Variants in BTRC observed in about 807,000 individuals in gnomAD.
BTRC encodes beta-transducin repeat containing E3 ubiquitin protein ligase, also known as F-box/WD repeat-containing protein 1A.
A neutral mutation model predicts 85.5 loss-of-function variants in BTRC; 42 were observed. The observed-to-expected ratio is 0.49, with a 90% confidence interval of 0.38 to 0.64. The LOEUF is 0.64. BTRC is among the 30% of genes least tolerant of loss of function. The probability of loss-of-function intolerance (pLI) is 0.00; values close to 1 mark genes in which losing one functional copy is unlikely to be tolerated. For synonymous variants in BTRC, 255 were observed against 263.3 expected, an observed-to-expected ratio of 0.97 and a Z score of 0.30; for missense variants, 594 against 743.5, an observed-to-expected ratio of 0.80 and a Z score of 2.34.
At chr10:101,430,261 C>A in intron 1 of BTRC, 84 bp from the exon 2 acceptor site, 2 of 793,972 alleles carry the variant, frequency 2.5e-6, no homozygotes, top group Non-Finnish European at 2.0e-6. Context: ...TGGAATATTG[C>A]GTTCAGCCAA....
rs1046472822 is a variant in BTRC at position 101,383,496 on chromosome 10, G to A, written c.48+29268G>A. 3.3e-5 allele frequency among the ~76,000 whole-genome samples: 5 copies of A among 151,194 alleles called. No homozygotes were observed. The East Asian group carries it at 7.7e-4, about 23-fold the overall frequency. ...TATTTTGCTCATGATTATTTGGACC[G>A]TTTTCTTCCTTTCTTCTTTTCTTTC... On this transcript the variant is annotated intron_variant, in intron 1 of 14. Coordinates refer to ENST00000370187, the MANE Select transcript of BTRC (RefSeq NM_033637.4).
intron 1 of BTRC, among the ~76,000 whole-genome samples, chr10:101,415,770 A>T (rs1444841700): frequency 6.6e-6 from 1 of 151,368 alleles, no homozygotes; most frequent in East Asian, 1.9e-4. Flanking sequence ...GGGACTCCTG[A>T]CCTCAGGCGA....
intron 1 of BTRC, among the ~76,000 whole-genome samples, chr10:101,418,757 G>A (rs78810836): frequency 0.066 from 10,082 of 151,790 alleles, 343 homozygotes; most frequent in Non-Finnish European, 0.074. Flanking sequence ...GGTTTGGTAC[G>A]TAGGTAAACA....
rs571923784 is a variant in BTRC at position 101,479,755 on chromosome 10, G to A, written c.324+298G>A. ...GATTTGTATAAGATAATGTACAATT[G>A]TTTTGATAAGTTTATGGTTTTTAAA... On this transcript the variant is annotated intron_variant, in intron 4 of 14. Coordinates refer to ENST00000370187, the MANE Select transcript of BTRC (RefSeq NM_033637.4). 7.2e-5 allele frequency among the ~76,000 whole-genome samples: 11 copies of A among 152,296 alleles called. No individual in the cohort carries two copies. The South Asian group carries it at 2.3e-3, about 32-fold the overall frequency.
chr10:101,508,936 A>G (rs958980661), intron 4 of BTRC, among the ~76,000 whole-genome samples: 39 of 141,648 alleles, frequency 2.8e-4, no homozygotes, highest in African/African-American at 9.8e-4. Flanking sequence ...AAAAAAAAAA[A>G]CTAAAAGTAG....
At chr10:101,468,096 A>C (rs549254809) in intron 3 of BTRC, among the ~76,000 whole-genome samples, 47 of 152,282 alleles carry the variant, frequency 3.1e-4, no homozygotes, top group African/African-American at 1.0e-3. Flanking sequence ...AAAAGGAGCA[A>C]TTTAATAACC....
chr10:101,545,100 T>C (rs1019688937), intron 13 of BTRC, among the ~76,000 whole-genome samples: 4 of 152,162 alleles, frequency 2.6e-5, no homozygotes, highest in Admixed American at 6.5e-5. Context: ...TTCAGCACTT[T>C]AATGATGTCA....
In BTRC at chr10:101,555,282, T is replaced by C. The variant is rs1417143661; in HGVS notation, c.*2159T>C. On this transcript the variant is annotated 3_prime_UTR_variant, in exon 15 of 15. Transcript: ENST00000370187. ...TAATTTTACCAGCCTTTCTGTCATA[T>C]GCTGCTATTACAAAGTGGAAGCTGT... 6.5e-6 allele frequency: 1 copy of C among 152,702 alleles called. No homozygotes were observed. Among genetic ancestry groups the C allele is most frequent in the African/African-American group, 2.4e-5 (1 of 41,478 alleles). The allele number at this position is 152,702 out of a possible 1,614,324, so 9.5% of individuals were successfully genotyped here. A position where few individuals can be genotyped will look rare whatever the true frequency, so the allele number is the denominator to read the frequency against.
chr10:101,405,769 T>C (rs1943604775), intron 1 of BTRC, among the ~76,000 whole-genome samples: 1 of 152,222 alleles, frequency 6.6e-6, no homozygotes, highest in Non-Finnish European at 1.5e-5. Context: ...GAACCCCTTC[T>C]AGTTAATTAT....
At chr10:101,452,577 G>A (rs112348674) in intron 2 of BTRC, among the ~76,000 whole-genome samples, 34 of 152,320 alleles carry the variant, frequency 2.2e-4, no homozygotes, top group African/African-American at 6.7e-4. Flanking sequence ...ACAGTGTGGC[G>A]GGGAGAAAGC....
In BTRC at chr10:101,556,961, G is replaced by A. The variant is rs1247992617; in HGVS notation, c.*3838G>A. On this transcript the variant is annotated 3_prime_UTR_variant, in exon 15 of 15. Transcript: ENST00000370187. ...ACCCTTCCCCTTCTTGGACACTGAA[G>A]GAAAAGGCCAACTAGGGTGTTAGCC... 2 of 152,228 alleles carry A rather than the reference G, an allele frequency of 1.3e-5. No homozygotes were observed. The highest frequency in any genetic ancestry group is 4.8e-5 in the African/African-American group (2 of 41,438). 9.4% of individuals were successfully genotyped at this position (152,228 alleles called of 1,614,324 possible). A position where few individuals can be genotyped will look rare whatever the true frequency, so the allele number is the denominator to read the frequency against.
At position 101,366,926 on chromosome 10, in the gene BTRC, AT is replaced by A. The variant is rs1564730335; in HGVS notation, c.48+12701del. 6.4e-4 allele frequency among the ~76,000 whole-genome samples: 13 copies of A among 20,328 alleles called. 1 individual carries two copies. The highest frequency in any genetic ancestry group is 1.9e-3 in the African/African-American group (7 of 3,720). The allele number at this position is 20,328 out of a possible 152,430, so 13.3% of individuals were successfully genotyped here. ...TATATATTAATATATATTTATATAT[AT>A]TTATATATATTTATATATATTTATA... is the stretch of plus-strand genomic sequence containing the variant. On this transcript the variant is annotated intron_variant, in intron 1 of 14. Coordinates refer to ENST00000370187, the MANE Select transcript of BTRC (RefSeq NM_033637.4).
chr10:101,427,297 T>C (rs796366126), intron 1 of BTRC, among the ~76,000 whole-genome samples: 1 of 151,736 alleles, frequency 6.6e-6, no homozygotes, highest in South Asian at 2.1e-4. Context: ...TTTGTATTTT[T>C]AGTAGAGATG....
intron 1 of BTRC, among the ~76,000 whole-genome samples, chr10:101,378,575 AGTGCAGTGGCGC>A (rs1246088715): frequency 1.5e-5 from 2 of 135,238 alleles, no homozygotes; most frequent in African/African-American, 5.7e-5. Flanking sequence ...CCCAGGCTGG[AGTGCAGTGGCGC>A]GATCTTGGTG....
rs144886778 is a variant in BTRC at position 101,412,767 on chromosome 10, A to G, written c.49-17578A>G. On this transcript the variant is annotated intron_variant, in intron 1 of 14. Transcript: ENST00000370187. ...CTAGTACTCCAGTCCACACATGACTATGTGAAAAACAGATACACACTAGTC... is the reference window on the plus strand; with the variant it reads ...CTAGTACTCCAGTCCACACATGACTGTGTGAAAAACAGATACACACTAGTC... Among the ~76,000 whole-genome samples, 518 of 152,322 alleles carry G rather than the reference A, an allele frequency of 3.4e-3. 8 individuals are homozygous for G. Among genetic ancestry groups the G allele is most frequent in the East Asian group, 5.2e-3 (27 of 5,186 alleles).
chr10:101,442,889 CTTTTTTTTTT>C (rs755689728), intron 2 of BTRC, among the ~76,000 whole-genome samples: 5 of 122,374 alleles, frequency 4.1e-5, no homozygotes, highest in African/African-American at 1.6e-4. Flanking sequence ...CTCACTTGCT[CTTTTTTTTTT>C]TTTTTTTTTT....
chr10:101,510,689 A>G (rs1264682301), intron 4 of BTRC, among the ~76,000 whole-genome samples: 2 of 152,120 alleles, frequency 1.3e-5, no homozygotes, highest in East Asian at 1.9e-4. Context: ...ATCCCCATCC[A>G]GATTAATGTA....
At chr10:101,366,821 A>AT (rs1942404530) in intron 1 of BTRC, among the ~76,000 whole-genome samples, 1 of 49,334 alleles carries the variant, frequency 2.0e-5, no homozygotes. Flanking sequence ...TATATATATT[A>AT]ATATATATTT....
intron 4 of BTRC, among the ~76,000 whole-genome samples, chr10:101,506,624 A>G (rs771201056): frequency 2.6e-5 from 4 of 152,216 alleles, no homozygotes; most frequent in South Asian, 2.1e-4. Context: ...CAACTCTGCC[A>G]TAGTTAAATG....
Sources: gnomAD v4.1 joint callset for allele counts (sites outside exome capture counted in the v4.1 genomes callset) on GRCh38, gnomAD v4.1.1 for gene constraint, MANE v1.5 for transcripts, NCBI Gene and HGNC (gene_info 2026-07-23, HGNC 2026-07-21) for gene names.